Variants in ADGRB3 observed in about 807,000 individuals in gnomAD.
ADGRB3 encodes brain-specific angiogenesis inhibitor 3.
Under a neutral mutation model 193.4 loss-of-function variants are expected in ADGRB3, and 37 were observed. The observed-to-expected ratio is 0.19, with a 90% CI of 0.15 to 0.25. The LOEUF (loss-of-function observed/expected upper bound fraction) is 0.25. Ranked by LOEUF, ADGRB3 falls within the 10% of genes least tolerant of loss-of-function variation. The pLI is 1.00. For synonymous variants in ADGRB3, 690 were observed against 644.2 expected (o/e 1.07, Z -1.08); for missense variants, 1,637 against 1,852.9 (o/e 0.88, Z 2.14).
At chr6:69,260,707 G>A (rs565040887) in intron 20 of ADGRB3, among the ~76,000 whole-genome samples, 2 of 152,234 alleles carry the variant, frequency 1.3e-5, no homozygotes, top group South Asian at 2.1e-4. Context: ...ATAGCTCTAC[G>A]ATTCCAGGAT....
rs546445326 is a variant in ADGRB3, at chr6:69,193,306, C to T, written c.2481-39984C>T. ...ATGAAGCAATGTGATGGCTAGATGG[C>T]AGGTACTTGTCAGCAAGAAAATGAT... On this transcript the variant is annotated intron_variant, in intron 17 of 31. Transcript: ENST00000370598. 9.2e-5 allele frequency among the ~76,000 whole-genome samples: 14 copies of T among 152,258 alleles called. No individual in the cohort carries two copies. The East Asian group carries it at 2.7e-3, about 29-fold the overall frequency.
intron 14 of ADGRB3, among the ~76,000 whole-genome samples, 188 bp from the exon 15 acceptor site, chr6:69,049,083 C>A (rs531734579): frequency 4.1e-4 from 63 of 152,192 alleles, no homozygotes; most frequent in African/African-American, 1.4e-3. Flanking sequence ...CTTCGTGATG[C>A]AAAACTATAG....
intron 3 of ADGRB3, among the ~76,000 whole-genome samples, chr6:68,891,239 C>T (rs1051838562): frequency 1.3e-5 from 2 of 152,152 alleles, no homozygotes; most frequent in African/African-American, 4.8e-5. Context: ...AGTTATCTCT[C>T]ACTAGGTCCC....
At chr6:68,887,759 T>C (rs915824256) in intron 3 of ADGRB3, among the ~76,000 whole-genome samples, 6 of 152,176 alleles carry the variant, frequency 3.9e-5, no homozygotes, top group Non-Finnish European at 8.8e-5. Context: ...ACCTAAAATA[T>C]ATTAAAGGGA....
chr6:69,245,616 A>G (rs1170129915), intron 20 of ADGRB3, among the ~76,000 whole-genome samples: 1 of 151,644 alleles, frequency 6.6e-6, no homozygotes, highest in Non-Finnish European at 1.5e-5. Flanking sequence ...TTTTTGTTTC[A>G]TGCTATACTT....
intron 17 of ADGRB3, among the ~76,000 whole-genome samples, chr6:69,220,935 T>C (rs569319876): frequency 2.0e-3 from 301 of 152,098 alleles, no homozygotes; most frequent in African/African-American, 6.8e-3. Context: ...CTATCCACAC[T>C]CCTACAATTT....
intron 17 of ADGRB3, among the ~76,000 whole-genome samples, chr6:69,229,564 T>G (rs980502885): frequency 6.6e-6 from 1 of 152,190 alleles, no homozygotes; most frequent in Non-Finnish European, 1.5e-5. Context: ...ACATGCTGAT[T>G]TATTATGAAG....
chr6:69,330,372 AT>A, intron 22 of ADGRB3, 133 bp from the exon 23 acceptor site: 1 of 503,718 alleles, frequency 2.0e-6, no homozygotes, highest in Non-Finnish European at 3.4e-6. Flanking sequence ...TCTTCTATGT[AT>A]TTTTTATTAC....
chr6:69,235,953 A>G (rs940502473), intron 19 of ADGRB3, among the ~76,000 whole-genome samples: 1 of 151,794 alleles, frequency 6.6e-6, no homozygotes, highest in Admixed American at 6.6e-5. Context: ...TTTATTATTG[A>G]AAAATAATCT....
At chr6:69,210,233 T>A (rs1429616956) in intron 17 of ADGRB3, among the ~76,000 whole-genome samples, 3 of 144,142 alleles carry the variant, frequency 2.1e-5, no homozygotes, top group Admixed American at 7.2e-5. Flanking sequence ...ATCTGCAGAC[T>A]GAGGAGCAAG....
chr6:69,040,422 T>C (rs1771020426), intron 13 of ADGRB3, among the ~76,000 whole-genome samples: 1 of 144,828 alleles, frequency 6.9e-6, no homozygotes, highest in African/African-American at 2.6e-5. Context: ...CCATTTCGAT[T>C]TAGACAACTT....
intron 3 of ADGRB3, among the ~76,000 whole-genome samples, chr6:68,754,175 T>C (rs1466625004): frequency 6.6e-6 from 1 of 152,202 alleles, no homozygotes; most frequent in East Asian, 1.9e-4. Context: ...TGCTTTCAAG[T>C]ACAATGCATA....
At chr6:69,091,751 A>G (rs1488030294) in intron 17 of ADGRB3, among the ~76,000 whole-genome samples, 2 of 152,176 alleles carry the variant, frequency 1.3e-5, no homozygotes, top group Non-Finnish European at 2.9e-5. Context: ...AAATTTACCT[A>G]ATTAACAGAC....
At chr6:69,377,920 T>C (rs1313116274) in intron 30 of ADGRB3, among the ~76,000 whole-genome samples, 1 of 152,040 alleles carries the variant, frequency 6.6e-6, no homozygotes, top group Admixed American at 6.6e-5. Flanking sequence ...AAGCTCCTGG[T>C]TGGGACAAGT....
At chr6:68,707,188 A>G (rs1765339830) in intron 3 of ADGRB3, among the ~76,000 whole-genome samples, 1 of 152,034 alleles carries the variant, frequency 6.6e-6, no homozygotes, top group Non-Finnish European at 1.5e-5. Flanking sequence ...AAACAGATTT[A>G]AAAGTCATCT....
intron 3 of ADGRB3, among the ~76,000 whole-genome samples, chr6:68,675,583 A>G (rs1561991016): frequency 6.6e-6 from 1 of 152,182 alleles, no homozygotes; most frequent in Non-Finnish European, 1.5e-5. Flanking sequence ...CTCACAGGAA[A>G]AGCTAAAAAT....
chr6:68,795,399 C>T (rs536879017), intron 3 of ADGRB3, among the ~76,000 whole-genome samples: 168 of 152,104 alleles, frequency 1.1e-3, no homozygotes, highest in Admixed American at 2.0e-3. Flanking sequence ...AAATCTCAGA[C>T]AAAAGTGATC....
chr6:69,056,451 C>A (rs932067837), intron 15 of ADGRB3, among the ~76,000 whole-genome samples: 2 of 152,000 alleles, frequency 1.3e-5, no homozygotes, highest in African/African-American at 4.8e-5. Flanking sequence ...TGTTTTCTTT[C>A]CTGCACAAAA....
intron 17 of ADGRB3, among the ~76,000 whole-genome samples, chr6:69,156,229 C>A (rs1358755124): frequency 1.3e-5 from 2 of 151,968 alleles, no homozygotes; most frequent in Non-Finnish European, 2.9e-5. Flanking sequence ...AAGATAATGG[C>A]AGAAAATGGT....
Sources: allele counts gnomAD v4.1 joint callset (sites outside exome capture counted in the v4.1 genomes callset), GRCh38; gene constraint gnomAD v4.1.1; transcripts MANE v1.5; gene names NCBI Gene and HGNC (gene_info 2026-07-23, HGNC 2026-07-21).